Variants in RIMS2 observed in about 807,000 individuals in gnomAD.
RIMS2 encodes regulating synaptic membrane exocytosis protein 2.
In RIMS2, 59 loss-of-function variants were observed where a neutral mutation model predicts 174.4. That is an observed-to-expected ratio of 0.34 (90% CI 0.27 to 0.42). The LOEUF is 0.42. Among genes scored for constraint, RIMS2 ranks in the 10% least tolerant of loss-of-function variants. The pLI is 1.00. For synonymous variants in RIMS2, 606 were observed against 572.5 expected, an observed-to-expected ratio of 1.06 and a Z score of -0.84; for missense variants, 1,620 against 1,666.3, an observed-to-expected ratio of 0.97 and a Z score of 0.48.
chr8:103,562,814 A>G (rs1046304235), intron 1 of RIMS2, among the ~76,000 whole-genome samples: 1 of 152,078 alleles, frequency 6.6e-6, no homozygotes. Context: ...AGGCATTTCC[A>G]TACATCTTCT....
chr8:104,248,931 C>CT (rs746009960), intron 21 of RIMS2, 118 bp downstream of exon 27: 26 of 499,044 alleles, frequency 5.2e-5, no homozygotes, highest in African/African-American at 1.9e-4. Flanking sequence ...CTCTCTCCCT[C>CT]TATTTTTTTT....
chr8:103,825,067 A>G (rs369275403), intron 3 of RIMS2, among the ~76,000 whole-genome samples: 15 of 152,108 alleles, frequency 9.9e-5, no homozygotes, highest in Admixed American at 5.2e-4. Context: ...ATTAGGGGCT[A>G]CATATTTATT....
intron 16 of RIMS2, chr8:103,976,542 CTTTTTCTTTTTT>C (rs2093441231): frequency 7.3e-6 from 1 of 136,820 alleles, no homozygotes; most frequent in Admixed American, 7.1e-5. Context: ...TTTTCTTTTT[CTTTTTCTTTTTT>C]TTTTTTTTTT....
intron 1 of RIMS2, among the ~76,000 whole-genome samples, chr8:103,519,721 G>A (rs1003306039): frequency 9.9e-5 from 14 of 141,496 alleles, no homozygotes; most frequent in Non-Finnish European, 2.0e-4. Context: ...ACATGTTTTC[G>A]TGGCTTTACT....
chr8:103,870,197 T>C (rs1041805459), intron 3 of RIMS2, among the ~76,000 whole-genome samples: 66 of 152,048 alleles, frequency 4.3e-4, no homozygotes, highest in African/African-American at 1.5e-3. Context: ...CTATGTGATT[T>C]TAGGCAAAGT....
intron 19 of RIMS2, among the ~76,000 whole-genome samples, chr8:104,212,578 G>A (rs1266665004): frequency 6.6e-6 from 1 of 152,036 alleles, no homozygotes; most frequent in Non-Finnish European, 1.5e-5. Flanking sequence ...TGTTATTTTT[G>A]TTGTTGTTTT....
intron 11 of RIMS2, among the ~76,000 whole-genome samples, chr8:103,930,703 A>G (rs1292450859): frequency 1.3e-5 from 2 of 152,172 alleles, no homozygotes; most frequent in African/African-American, 4.8e-5. Flanking sequence ...GAAAAATTTT[A>G]AAGATGAATT....
In RIMS2 at chr8:104,226,271, C is replaced by A. The variant is rs561238893; in HGVS notation, c.3335-18645C>A. 1.1e-4 allele frequency among the ~76,000 whole-genome samples: 17 copies of A among 152,286 alleles called. 1 individual carries two copies. The South Asian group carries it at 3.3e-3, about 30-fold the overall frequency. On this transcript the variant is annotated intron_variant, in intron 19 of 23. Coordinates refer to ENST00000504942, the Ensembl canonical transcript of RIMS2. Reference sequence around the variant, plus strand: ...TAACCAATCAGTTCAGTAAGCCAGTCTGATTTTAAAGCTAGTCTCTTTTTT... The same window carrying A: ...TAACCAATCAGTTCAGTAAGCCAGTATGATTTTAAAGCTAGTCTCTTTTTT...
intron 2 of RIMS2, among the ~76,000 whole-genome samples, chr8:103,741,011 A>G (rs2097756749): frequency 6.6e-6 from 1 of 152,090 alleles, no homozygotes; most frequent in South Asian, 2.1e-4. Context: ...TTGAAATTAA[A>G]CATTTTAAGA....
chr8:104,053,833 A>G (rs1002578936), intron 19 of RIMS2, among the ~76,000 whole-genome samples: 67 of 152,254 alleles, frequency 4.4e-4, no homozygotes, highest in African/African-American at 1.2e-3. Context: ...AGAGAAGGAT[A>G]TAGAAACTTT....
At chr8:103,569,673 T>C (rs1240162187) in intron 1 of RIMS2, among the ~76,000 whole-genome samples, 1 of 152,084 alleles carries the variant, frequency 6.6e-6, no homozygotes, top group African/African-American at 2.4e-5. Context: ...TAGAATATAG[T>C]GGTGTTGATT....
chr8:104,176,144 A>G (rs1586614450), intron 19 of RIMS2, among the ~76,000 whole-genome samples: 2 of 152,132 alleles, frequency 1.3e-5, no homozygotes. Context: ...TAACTTGCTT[A>G]TACCTGTGCT....
intron 19 of RIMS2, among the ~76,000 whole-genome samples, chr8:104,244,624 T>C (rs954385579): frequency 3.3e-5 from 5 of 152,210 alleles, no homozygotes; most frequent in African/African-American, 1.2e-4. Context: ...AAGGCTTATT[T>C]TTTTTCCTTA....
At chr8:103,694,335 G>A (rs547896659) in intron 1 of RIMS2, among the ~76,000 whole-genome samples, 6 of 152,174 alleles carry the variant, frequency 3.9e-5, no homozygotes, top group East Asian at 1.9e-4. Flanking sequence ...GGGCTACAGG[G>A]GCTGGTCTTC....
intron 19 of RIMS2, among the ~76,000 whole-genome samples, chr8:104,020,939 A>C (rs1198679477): frequency 6.6e-6 from 1 of 152,046 alleles, no homozygotes. Flanking sequence ...TTCTATCAAA[A>C]TGGTAGGACT....
At chr8:103,649,440 G>A (rs1344084630) in intron 1 of RIMS2, among the ~76,000 whole-genome samples, 2 of 152,088 alleles carry the variant, frequency 1.3e-5, no homozygotes, top group South Asian at 2.1e-4. Context: ...TTCTAATGGA[G>A]TATCTTACTG....
rs368057449 is a variant in RIMS2, at chr8:104,214,969, G to T, written c.3335-29947G>T. ...TCCGTGGGCTCTTTTTTTCCAATAC[G>T]CTATTTAAAATCTTGCAATTTGTAA... On this transcript the variant is annotated intron_variant, in intron 19 of 23. Coordinates refer to ENST00000504942, the Ensembl canonical transcript of RIMS2. 1.9e-4 allele frequency among the ~76,000 whole-genome samples: 29 copies of T among 152,008 alleles called. No homozygotes were observed. The South Asian group carries it at 6.0e-3, about 32-fold the overall frequency.
chr8:103,685,444 C>T (rs985755561), intron 1 of RIMS2, among the ~76,000 whole-genome samples: 4 of 152,084 alleles, frequency 2.6e-5, no homozygotes, highest in South Asian at 2.1e-4. Context: ...TATGAGGGAT[C>T]CACCCCCATG....
At chr8:103,637,354 ACTTT>A (rs1303631612) in intron 1 of RIMS2, among the ~76,000 whole-genome samples, 4 of 152,178 alleles carry the variant, frequency 2.6e-5, no homozygotes, top group Non-Finnish European at 4.4e-5. Context: ...GATATGAGTA[ACTTT>A]CTTTTCTTGA....
Sources: allele counts gnomAD v4.1 joint callset (sites outside exome capture counted in the v4.1 genomes callset), GRCh38; gene constraint gnomAD v4.1.1; transcripts MANE v1.5; gene names NCBI Gene and HGNC (gene_info 2026-07-23, HGNC 2026-07-21).